The following CLASP1 variants were observed in gnomAD, a reference collection of about 807,000 sequenced individuals.
CLASP1 encodes cytoplasmic linker associated protein 1.
A neutral mutation model predicts 192.3 loss-of-function variants in CLASP1; 38 were observed. That is an observed-to-expected ratio of 0.20 (90% CI 0.15 to 0.26). The LOEUF is 0.26. CLASP1 is among the 10% of genes least tolerant of loss of function. CLASP1 has a pLI of 1.00. For synonymous variants in CLASP1, 691 were observed against 712.8 expected (o/e 0.97, Z 0.49); for missense variants, 1,433 against 1,932.5 (o/e 0.74, Z 4.85).
rs577445416 is a variant in CLASP1 at position 121,433,572 on chromosome 2, C to T, written c.1913-3395G>A. Among the ~76,000 whole-genome samples the T allele has an allele frequency of 2.4e-4, 36 of 152,140 alleles. No homozygotes were observed. The South Asian group carries it at 6.0e-3, about 25-fold the overall frequency. On this transcript the variant is annotated intron_variant, in intron 19 of 39. Transcript: ENST00000263710. ...GAGTTTGACACCAGCTTGGCTAACA[C>T]GGCAAAACCCCATCTCTAATAAAAA...
At chr2:121,602,670 T>G (rs888318041) in intron 2 of CLASP1, among the ~76,000 whole-genome samples, 5 of 152,190 alleles carry the variant, frequency 3.3e-5, no homozygotes, top group African/African-American at 1.2e-4. Flanking sequence ...TACGGCCAAC[T>G]GACTTTTGAC....
intron 19 of CLASP1, 136 bp downstream of exon 19, chr2:121,447,201 G>A (rs1050228634): frequency 2.6e-5 from 21 of 802,326 alleles, no homozygotes; most frequent in South Asian, 3.7e-5. Context: ...GCAAGTGCAC[G>A]AAGCTACTTA....
chr2:121,480,985 C>T (rs1355879850), intron 8 of CLASP1, among the ~76,000 whole-genome samples: 1 of 152,218 alleles, frequency 6.6e-6, no homozygotes, highest in African/African-American at 2.4e-5. Context: ...CAAAGGAGGA[C>T]CGCAAGACCC....
intron 8 of CLASP1, among the ~76,000 whole-genome samples, chr2:121,474,602 G>C (rs1287515393): frequency 1.3e-5 from 2 of 152,172 alleles, no homozygotes; most frequent in Non-Finnish European, 1.5e-5. Context: ...CGGGCATGGT[G>C]GTGGGTGCCT....
At chr2:121,414,057 C>T (rs947488182) in intron 23 of CLASP1, among the ~76,000 whole-genome samples, 84 bp downstream of exon 24, 1 of 152,094 alleles carries the variant, frequency 6.6e-6, no homozygotes, top group African/African-American at 2.4e-5. Context: ...AAGTGCTAGC[C>T]GACACAGATG....
exon 10 of CLASP1, chr2:121,462,583 A>G (rs368455399): frequency 8.1e-6 from 13 of 1,605,264 alleles, no homozygotes; most frequent in African/African-American, 1.3e-5. Flanking sequence ...CTTCATCAAC[A>G]GCACCAGCTC....
chr2:121,404,318 G>A (rs2076586052), intron 26 of CLASP1, 53 bp downstream of exon 27: 2 of 1,593,798 alleles, frequency 1.3e-6, no homozygotes, highest in Non-Finnish European at 1.7e-6. Flanking sequence ...ATATCACACA[G>A]AGCACACAGA....
At chr2:121,461,902 T>C (rs577790340) in intron 10 of CLASP1, among the ~76,000 whole-genome samples, 1 of 152,274 alleles carries the variant, frequency 6.6e-6, no homozygotes, top group Non-Finnish European at 1.5e-5. Flanking sequence ...CTGAGATTCT[T>C]GTTACCTGCT....
At chr2:121,584,675 G>A (rs1318743686) in intron 2 of CLASP1, among the ~76,000 whole-genome samples, 3 of 151,914 alleles carry the variant, frequency 2.0e-5, no homozygotes, top group African/African-American at 4.8e-5. Context: ...ACCCAGGTGG[G>A]AGTACACAAT....
chr2:121,595,362 A>G (rs7578375), intron 2 of CLASP1, among the ~76,000 whole-genome samples: 147 of 152,380 alleles, frequency 9.6e-4, no homozygotes, highest in African/African-American at 3.4e-3. Context: ...AACAGTGTCT[A>G]GCACATAATG....
intron 1 of CLASP1, among the ~76,000 whole-genome samples, chr2:121,637,756 C>T (rs1371799652): frequency 6.6e-6 from 1 of 151,988 alleles, no homozygotes; most frequent in African/African-American, 2.4e-5. Flanking sequence ...AATGGTGGTG[C>T]ATGCCTGTAA....
At chr2:121,449,495 G>A (rs550809277) in intron 16 of CLASP1, among the ~76,000 whole-genome samples, 1 of 151,404 alleles carries the variant, frequency 6.6e-6, no homozygotes, top group South Asian at 2.1e-4. Flanking sequence ...TACATCTCTT[G>A]ACACAAAGTA....
chr2:121,419,569 G>C (rs1275472020), intron 22 of CLASP1, among the ~76,000 whole-genome samples: 1 of 152,030 alleles, frequency 6.6e-6, no homozygotes, highest in Non-Finnish European at 1.5e-5. Context: ...ATAACTTTCT[G>C]ATTATCTACG....
At chr2:121,347,280 AT>A in intron 38 of CLASP1, 126 bp from the exon 40 acceptor site, 1 of 661,190 alleles carries the variant, frequency 1.5e-6, no homozygotes, top group Non-Finnish European at 2.7e-6. Context: ...AACAACCAGG[AT>A]AGACCTCAGC....
chr2:121,608,213 C>G (rs933918241), intron 1 of CLASP1, among the ~76,000 whole-genome samples: 1 of 152,126 alleles, frequency 6.6e-6, no homozygotes, highest in African/African-American at 2.4e-5. Flanking sequence ...ATCAACGATA[C>G]GGGAAAACTT....
chr2:121,588,772 T>C (rs1028524155), intron 2 of CLASP1, among the ~76,000 whole-genome samples: 10 of 152,116 alleles, frequency 6.6e-5, no homozygotes, highest in African/African-American at 2.4e-4. Context: ...CAATCTAAAG[T>C]ATGAAGTTCA....
intron 2 of CLASP1, among the ~76,000 whole-genome samples, chr2:121,593,753 G>A (rs1451319564): frequency 1.3e-5 from 2 of 151,880 alleles, no homozygotes; most frequent in Non-Finnish European, 2.9e-5. Flanking sequence ...GCTCACGCCT[G>A]TAATCCCACC....
intron 8 of CLASP1, among the ~76,000 whole-genome samples, chr2:121,497,651 G>C (rs2093586037): frequency 6.6e-6 from 1 of 152,208 alleles, no homozygotes; most frequent in East Asian, 1.9e-4. Flanking sequence ...ATTAGATAAA[G>C]GAAGCCAAGA....
chr2:121,550,799 C>G (rs987916409), intron 2 of CLASP1, among the ~76,000 whole-genome samples: 17 of 152,080 alleles, frequency 1.1e-4, no homozygotes, highest in African/African-American at 4.1e-4. Flanking sequence ...GTACAAAGAA[C>G]AGCTGATACC....
Sources: allele counts gnomAD v4.1 joint callset (sites outside exome capture counted in the v4.1 genomes callset), GRCh38; gene constraint gnomAD v4.1.1; transcripts MANE v1.5; gene names NCBI Gene and HGNC (gene_info 2026-07-23, HGNC 2026-07-21).